ZNF354C: variants seen among roughly 807,000 people sequenced by gnomAD.
ZNF354C encodes KRAB-zinc finger protein synten.
In ZNF354C, 7 loss-of-function variants were observed where a neutral mutation model predicts 12.4. The ratio of observed to expected loss-of-function variants is 0.56; its 90% CI spans 0.32 to 1.06. The LOEUF (loss-of-function observed/expected upper bound fraction) is 1.06. Among genes scored for constraint, ZNF354C ranks in the 50% least tolerant of loss-of-function variants. The pLI, the probability that ZNF354C is intolerant of heterozygous loss-of-function variation, is 0.04. For missense variants in ZNF354C, 609 were observed against 658.0 expected (o/e 0.93, Z 0.81); for synonymous variants, 202 against 224.5 (o/e 0.90, Z 0.90).
Position 179,082,701 on chromosome 5 carries a change from T to A in ZNF354C, c.*2604T>A, listed in dbSNP as rs75387589. ...GTCAATGACACCAGCTTGACGGATC[T>A]TTCTTTCTGCACCAAACCCCATTGA... On this transcript the variant is annotated 3_prime_UTR_variant, in exon 5 of 5. Coordinates refer to ENST00000315475, the MANE Select transcript of ZNF354C (RefSeq NM_014594.3). The A allele has an allele frequency of 1.9e-6, 3 of 1,584,672 alleles. No homozygotes were observed. The highest frequency in any genetic ancestry group is 1.9e-4 in the Middle Eastern group (1 of 5,200).
intron 2 of ZNF354C, among the ~76,000 whole-genome samples, chr5:179,068,934 C>T (rs1272276730): frequency 2.0e-5 from 3 of 152,210 alleles, no homozygotes; most frequent in South Asian, 4.1e-4. Context: ...TGCGCATGAG[C>T]GTGTCCGTGT....
intron 2 of ZNF354C, among the ~76,000 whole-genome samples, chr5:179,064,274 C>G (rs1049458477): frequency 6.6e-6 from 1 of 152,026 alleles, no homozygotes; most frequent in Admixed American, 6.6e-5. Context: ...CAGAGTTTTG[C>G]TCTGTCGCCC....
chr5:179,061,216 C>T (rs1761886790), intron 1 of ZNF354C, among the ~76,000 whole-genome samples: 1 of 152,228 alleles, frequency 6.6e-6, no homozygotes, highest in African/African-American at 2.4e-5. Context: ...TGAGTCGCCG[C>T]TGCAGATCGC....
intron 2 of ZNF354C, among the ~76,000 whole-genome samples, chr5:179,071,469 A>T (rs1162323684): frequency 6.6e-6 from 1 of 150,844 alleles, no homozygotes; most frequent in Non-Finnish European, 1.5e-5. Flanking sequence ...AGACTAATTC[A>T]TCTGTGGATA....
At chr5:179,066,213 T>C (rs1180882553) in intron 2 of ZNF354C, among the ~76,000 whole-genome samples, 2 of 152,234 alleles carry the variant, frequency 1.3e-5, no homozygotes, top group East Asian at 3.8e-4. Flanking sequence ...GTTTTCAATA[T>C]AAATTTACAA....
intron 2 of ZNF354C, among the ~76,000 whole-genome samples, chr5:179,063,985 A>G (rs1761926642): frequency 6.6e-6 from 1 of 152,254 alleles, no homozygotes; most frequent in Non-Finnish European, 1.5e-5. Context: ...TGGATATTTC[A>G]GGAAACCAAG....
At chr5:179,074,395 TG>T (rs1274345854) in intron 2 of ZNF354C, among the ~76,000 whole-genome samples, 1 of 152,032 alleles carries the variant, frequency 6.6e-6, no homozygotes, top group African/African-American at 2.4e-5. Flanking sequence ...CCCAAGGGGC[TG>T]GGATTACAGG....
Position 179,069,434 on chromosome 5 carries a change from G to A in ZNF354C, c.28-7011G>A, listed in dbSNP as rs148198096. On this transcript the variant is annotated intron_variant, in intron 2 of 4. Transcript: ENST00000315475. ...AGAAAGTAGCAGGGCATTGTGGCAC[G>A]TGCCTATAATCCCAGCTACTCAGGA... Among the ~76,000 whole-genome samples, 1,067 of 152,060 alleles carry A rather than the reference G, an allele frequency of 7.0e-3. 14 individuals carry two copies. The highest frequency in any genetic ancestry group is 0.024 in the African/African-American group (1,012 of 41,454).
In ZNF354C at chr5:179,076,509, C is replaced by G; in HGVS notation, c.92C>G (p.Ser31Cys). 6.2e-7 allele frequency: 1 copy of G among 1,614,214 alleles called. No homozygotes were observed. The highest frequency in any genetic ancestry group is 8.5e-7 in the Non-Finnish European group (1 of 1,180,044). The change falls in exon 3 of 5, where the codon TCT (serine) becomes TGT (cysteine). Residue 31 changes from serine to cysteine, a missense_variant. Coordinates refer to ENST00000315475, the MANE Select transcript of ZNF354C (RefSeq NM_014594.3). ...CAGGACGAGTGGTTGCACCTGGACT[C>G]TGCCCAGAGGGCCTTGTACCGGGAG... ...FSQDEWLHLD[S>C]AQRALYREVM...
chr5:179,076,116 C>T (rs982627158), intron 2 of ZNF354C, among the ~76,000 whole-genome samples: 5 of 152,150 alleles, frequency 3.3e-5, no homozygotes, highest in Non-Finnish European at 5.9e-5. Context: ...ATCCATCTTC[C>T]GAGCCTAGCA....
rs1172500310 is a variant in ZNF354C at position 179,076,548 on chromosome 5, A to G, written c.131A>G (p.Asn44Ser). The change falls in exon 3 of 5, where the codon AAC becomes AGC. Residue 44 changes from asparagine (N) to serine (S), a missense_variant. By Grantham distance (46) the Asn-to-Ser change is conservative. Transcript: ENST00000315475. ...TTGTACCGGGAGGTGATGCTGGAGAACTACAGCAGCCTGGTCTCACTGGGT... is the reference window on the plus strand; with the variant it reads ...TTGTACCGGGAGGTGATGCTGGAGAGCTACAGCAGCCTGGTCTCACTGGGT... ...RALYREVMLE[N>S]YSSLVSLGIP... The G allele has an allele frequency of 1.2e-6, 2 of 1,614,098 alleles. No individual in the cohort carries two copies. Among genetic ancestry groups the G allele is most frequent in the Non-Finnish European group, 1.7e-6 (2 of 1,180,020 alleles).
At chr5:179,077,263 C>T in intron 4 of ZNF354C, 97 bp downstream of exon 4, 3 of 920,514 alleles carry the variant, frequency 3.3e-6, no homozygotes, top group Non-Finnish European at 5.3e-6. Context: ...ATACTGAGTC[C>T]TCTTGAGATG....
rs140298131 is a variant in ZNF354C at position 179,082,610 on chromosome 5, A to G, written c.*2513A>G. 2.7e-4 allele frequency: 341 copies of G among 1,248,432 alleles called. 4 individuals carry two copies. In the East Asian group the frequency reaches 7.9e-3, roughly 29 times the overall value. 77.3% of individuals were successfully genotyped at this position (1,248,432 alleles called of 1,614,324 possible). A position where few individuals can be genotyped will look rare whatever the true frequency, so the allele number is the denominator to read the frequency against. The stretch of plus-strand genomic sequence containing the variant: ...AGGGATGAAGAGGGAGATATTCAGA[A>G]ACCTTCACCAGATTCCTCCCAACTT... On this transcript the variant is annotated 3_prime_UTR_variant, in exon 5 of 5. Coordinates refer to ENST00000315475, the MANE Select transcript of ZNF354C (RefSeq NM_014594.3).
At chr5:179,061,162 T>C (rs1010004215) in intron 1 of ZNF354C, among the ~76,000 whole-genome samples, 1 of 152,238 alleles carries the variant, frequency 6.6e-6, no homozygotes, top group Non-Finnish European at 1.5e-5. Flanking sequence ...CCGCTGGAAC[T>C]GGCCTGGCAG....
rs1256633714 is a variant in ZNF354C, at chr5:179,083,123, A to G, written c.*3026A>G. On this transcript the variant is annotated 3_prime_UTR_variant, in exon 5 of 5. Coordinates refer to ENST00000315475, the MANE Select transcript of ZNF354C (RefSeq NM_014594.3). Reference sequence around the variant, plus strand: ...GGACTTTTCAAAAAGCAAATGTAGTAAAACAAAAAGTGGTCTCTGCTAGAT... The same window carrying G: ...GGACTTTTCAAAAAGCAAATGTAGTGAAACAAAAAGTGGTCTCTGCTAGAT... The G allele has an allele frequency of 2.8e-5, 16 of 562,712 alleles. No individual in the cohort carries two copies. In the East Asian group the frequency reaches 4.6e-4, roughly 16 times the overall value. 34.9% of individuals were successfully genotyped at this position (562,712 alleles called of 1,614,324 possible).
chr5:179,072,896 T>A (rs973993105), intron 2 of ZNF354C, among the ~76,000 whole-genome samples: 1 of 152,212 alleles, frequency 6.6e-6, no homozygotes, highest in African/African-American at 2.4e-5. Context: ...AATAATCTGG[T>A]ATGTATTTTA....
At position 179,062,041 on chromosome 5, in the gene ZNF354C, C is replaced by G. The variant is rs748091320; in HGVS notation, c.-28C>G. On this transcript the variant is annotated 5_prime_UTR_variant, in exon 2 of 5. Transcript: ENST00000315475. Reference sequence around the variant, plus strand: ...CCCACCGTGTCCACACTCTGCTCTCCCTGGGCAGGAAGACTGAGGAGGAAG... The same window carrying G: ...CCCACCGTGTCCACACTCTGCTCTCGCTGGGCAGGAAGACTGAGGAGGAAG... 4.3e-6 allele frequency: 7 copies of G among 1,614,036 alleles called. No individual in the cohort carries two copies. The South Asian group carries it at 4.4e-5, about 10-fold the overall frequency.
At chr5:179,066,145 C>G (rs1055620709) in intron 2 of ZNF354C, among the ~76,000 whole-genome samples, 3 of 152,198 alleles carry the variant, frequency 2.0e-5, no homozygotes, top group Non-Finnish European at 4.4e-5. Flanking sequence ...ATGGATCTTT[C>G]TGCTGTCTGT....
At chr5:179,076,407 A>G (rs770614654) in intron 2 of ZNF354C, 38 bp from the exon 3 acceptor site, 4 of 1,612,740 alleles carry the variant, frequency 2.5e-6, no homozygotes, top group Non-Finnish European at 1.7e-6. Flanking sequence ...GTTGAAGAAG[A>G]TGGTCCTGGG....
Sources: allele counts gnomAD v4.1 joint callset (sites outside exome capture counted in the v4.1 genomes callset), GRCh38; gene constraint gnomAD v4.1.1; transcripts MANE v1.5; gene names NCBI Gene and HGNC (gene_info 2026-07-23, HGNC 2026-07-21).